Variants in DIS3L2 observed in about 807,000 individuals in gnomAD.
The protein encoded by DIS3L2 is DIS3 like 3'-5' exoribonuclease 2, also known as DIS3-like exonuclease 2.
DIS3L2 carries 34 observed loss-of-function variants against 97.5 expected under a neutral mutation model. That is an observed-to-expected ratio of 0.35 (90% CI 0.27 to 0.46). The LOEUF is 0.46. Ranked by LOEUF, DIS3L2 falls within the 20% of genes least tolerant of loss-of-function variation. The probability of loss-of-function intolerance (pLI) is 1.00; values close to 1 mark genes in which losing one functional copy is unlikely to be tolerated. For synonymous variants in DIS3L2, 435 were observed against 445.2 expected, an observed-to-expected ratio of 0.98 and a Z score of 0.29; for missense variants, 1,038 against 1,146.0, an observed-to-expected ratio of 0.91 and a Z score of 1.36.
chr2:232,237,103 A>G (rs1296860635), intron 10 of DIS3L2, among the ~76,000 whole-genome samples: 1 of 152,056 alleles, frequency 6.6e-6, no homozygotes. Context: ...CATTTTCTGT[A>G]TTTTCATACA....
chr2:231,968,822 G>A (rs1178470834), intron 1 of DIS3L2, among the ~76,000 whole-genome samples: 1 of 152,146 alleles, frequency 6.6e-6, no homozygotes, highest in Non-Finnish European at 1.5e-5. Context: ...ATAGTTTTTG[G>A]TGCTATTTGA....
At position 232,037,833 on chromosome 2, in the gene DIS3L2, C is replaced by T. The variant is rs1398902100; in HGVS notation, c.366+7753C>T. Among the ~76,000 whole-genome samples, 1 of 152,222 alleles carries T rather than the reference C, an allele frequency of 6.6e-6. No homozygotes were observed. The highest frequency in any genetic ancestry group is 1.5e-5 in the Non-Finnish European group (1 of 68,034). Reference sequence around the variant, plus strand: ...ACTTCCTGGGTGAGGTAACGCCCCACCCTGCTTTGGCTTGCCCTCCGTGGG... The same window carrying T: ...ACTTCCTGGGTGAGGTAACGCCCCATCCTGCTTTGGCTTGCCCTCCGTGGG... On this transcript the variant is annotated intron_variant, in intron 5 of 20. Coordinates refer to ENST00000325385, the MANE Select transcript of DIS3L2 (RefSeq NM_152383.5). The surrounding 1 kb of genome is among the most constrained non-coding windows in gnomAD (Gnocchi z 4.6).
intron 5 of DIS3L2, among the ~76,000 whole-genome samples, chr2:232,030,683 A>T: frequency 6.6e-6 from 1 of 152,216 alleles, no homozygotes; most frequent in Admixed American, 6.5e-5. Context: ...GATGGTTTTA[A>T]ATAAAAGTAA....
intron 9 of DIS3L2, among the ~76,000 whole-genome samples, chr2:232,171,527 A>T (rs750391581): frequency 4.6e-5 from 7 of 152,132 alleles, no homozygotes; most frequent in Non-Finnish European, 7.3e-5. Context: ...CCCACCATGG[A>T]CCACCCAGGA....
At position 232,155,627 on chromosome 2, in the gene DIS3L2, GTTTTC is replaced by G. The variant is rs538382894; in HGVS notation, c.951-7824_951-7820del. On this transcript the variant is annotated intron_variant, in intron 8 of 20. Coordinates refer to ENST00000325385, the MANE Select transcript of DIS3L2 (RefSeq NM_152383.5). ...AGTTTTCTTAATGATCTTGGAAAAT[GTTTTC>G]TTTTCTTCATCTCTAGCTCCTTCCT... Among the ~76,000 whole-genome samples the G allele has an allele frequency of 2.1e-3, 320 of 152,212 alleles. 2 individuals are homozygous for G. The highest frequency in any genetic ancestry group is 7.3e-3 in the African/African-American group (304 of 41,528).
intron 1 of DIS3L2, among the ~76,000 whole-genome samples, chr2:232,004,917 T>C (rs534806608): frequency 7.9e-5 from 12 of 152,296 alleles, no homozygotes; most frequent in East Asian, 7.7e-4. Flanking sequence ...TTTATTTCTC[T>C]GTTGAGAGTT....
chr2:232,331,034 G>C (rs1695722544), intron 16 of DIS3L2, among the ~76,000 whole-genome samples: 2 of 152,228 alleles, frequency 1.3e-5, no homozygotes, highest in South Asian at 2.1e-4. Flanking sequence ...GAGTGCCCTG[G>C]AGCTGAGGGG....
intron 9 of DIS3L2, among the ~76,000 whole-genome samples, chr2:232,168,995 TG>T (rs1309402892): frequency 6.6e-6 from 1 of 152,182 alleles, no homozygotes; most frequent in African/African-American, 2.4e-5. Context: ...ATGTATTCAC[TG>T]CCCTTGTGGA....
chr2:232,111,823 A>G (rs2106332973), intron 6 of DIS3L2, among the ~76,000 whole-genome samples: 1 of 152,288 alleles, frequency 6.6e-6, no homozygotes, highest in East Asian at 1.9e-4. Flanking sequence ...GGCAACACTT[A>G]TTCCTTACTG....
intron 5 of DIS3L2, among the ~76,000 whole-genome samples, chr2:232,073,088 T>C (rs1696083636): frequency 1.3e-5 from 2 of 152,178 alleles, no homozygotes; most frequent in Non-Finnish European, 2.9e-5. Context: ...ATGAAAAGCT[T>C]ATTGGCAAGC....
At chr2:232,048,276 G>T (rs919934178) in intron 5 of DIS3L2, among the ~76,000 whole-genome samples, 11 of 152,148 alleles carry the variant, frequency 7.2e-5, no homozygotes, top group Admixed American at 7.2e-4. Flanking sequence ...CAGCTGTGTT[G>T]CTCCCGTTTC....
chr2:232,338,852 T>G (rs1293640246), downstream of DIS3L2, among the ~76,000 whole-genome samples: 2 of 152,294 alleles, frequency 1.3e-5, no homozygotes, highest in Non-Finnish European at 2.9e-5. Context: ...GACCCTCATC[T>G]AAAGGAGGAC....
chr2:232,336,617 C>A lies in DIS3L2; in HGVS notation c.2645C>A (p.Ser882Ter). 6.2e-7 allele frequency: 1 copy of A among 1,603,906 alleles called. No individual in the cohort carries two copies. The highest frequency in any genetic ancestry group is 1.7e-5 in the Admixed American group (1 of 59,654). Residue 882 changes from serine (S) to a stop codon, truncating the protein, a stop_gained, in exon 21 of 21, where the codon TCA becomes TAA. Transcript: ENST00000325385. LOFTEE classifies it high-confidence loss of function. Reference sequence around the variant, plus strand: ...GAGTCTGACGGTGAGCCCGAGGACTCAAGCACCAGCTGAGCTCCACCAGCC... The same window carrying A: ...GAGTCTGACGGTGAGCCCGAGGACTAAAGCACCAGCTGAGCTCCACCAGCC... ...EEESDGEPED[S>*]STS
chr2:232,229,146 A>G (rs1159432527), intron 10 of DIS3L2, among the ~76,000 whole-genome samples: 1 of 151,868 alleles, frequency 6.6e-6, no homozygotes, highest in Admixed American at 6.6e-5. Flanking sequence ...TGTCCTTTTC[A>G]AACTTTTTTC....
intron 1 of DIS3L2, among the ~76,000 whole-genome samples, chr2:231,963,780 G>A (rs1048423117): frequency 2.9e-4 from 44 of 152,108 alleles, no homozygotes; most frequent in Non-Finnish European, 5.6e-4. Flanking sequence ...GTGCAGTAGC[G>A]TGACTGCAGC....
At chr2:232,144,308 A>G (rs1690155432) in intron 8 of DIS3L2, among the ~76,000 whole-genome samples, 1 of 152,022 alleles carries the variant, frequency 6.6e-6, no homozygotes, top group African/African-American at 2.4e-5. Context: ...CCACATTCTT[A>G]TTTACACTTG....
At chr2:232,019,811 C>G (rs1694462612) in intron 3 of DIS3L2, among the ~76,000 whole-genome samples, 1 of 151,816 alleles carries the variant, frequency 6.6e-6, no homozygotes, top group Admixed American at 6.6e-5. Context: ...TTAGGCAAGT[C>G]ACTGGGGAGG....
chr2:232,070,986 G>C (rs1489926537), intron 5 of DIS3L2, among the ~76,000 whole-genome samples: 1 of 152,124 alleles, frequency 6.6e-6, no homozygotes, highest in African/African-American at 2.4e-5. Context: ...ACAGTGTCCA[G>C]AGGCCCTATA....
intron 5 of DIS3L2, among the ~76,000 whole-genome samples, chr2:232,086,634 T>TAGATATATGTGTATATATATATATACAC (rs1696642111): frequency 1.6e-5 from 1 of 63,790 alleles, no homozygotes; most frequent in Non-Finnish European, 3.2e-5. Context: ...TATATACACA[T>TAGATATATGTGTATATATATATATACAC]ATATATATAT....
Sources: allele counts gnomAD v4.1 joint callset (sites outside exome capture counted in the v4.1 genomes callset), GRCh38; gene constraint gnomAD v4.1.1; non-coding constraint Gnocchi (gnomAD v3.1); transcripts MANE v1.5; gene names NCBI Gene and HGNC (gene_info 2026-07-23, HGNC 2026-07-21).